Variants in ZFYVE28 observed in about 807,000 individuals in gnomAD.
ZFYVE28 encodes zinc finger FYVE-type containing 28.
Under a neutral mutation model 82.1 loss-of-function variants are expected in ZFYVE28, and 40 were observed. That is an observed-to-expected ratio of 0.49 (90% confidence interval 0.38 to 0.63). The LOEUF (loss-of-function observed/expected upper bound fraction) is 0.63, where lower values mean the gene tolerates loss of function less well. ZFYVE28 is among the 30% of genes least tolerant of loss of function. The pLI, the probability that ZFYVE28 is intolerant of heterozygous loss-of-function variation, is 0.00. For missense variants in ZFYVE28, 1,321 were observed against 1,242.1 expected (o/e 1.06, Z -0.96); for synonymous variants, 612 against 546.1 (o/e 1.12, Z -1.68).
intron 2 of ZFYVE28, among the ~76,000 whole-genome samples, chr4:2,347,872 G>T (rs1467390210): frequency 1.3e-5 from 2 of 152,008 alleles, no homozygotes; most frequent in African/African-American, 4.8e-5. Context: ...TAAAGGTTCT[G>T]TTTTTAAGTC....
Position 2,270,518 on chromosome 4 carries a change from A to G in ZFYVE28, c.*207T>C. ...CCGGGTCCCCTGCTGGGCAAAGCTG[A>G]CCTCTTGTTGGCCCCTGCAGCCGGC... On this transcript the variant is annotated 3_prime_UTR_variant, in exon 13 of 13. Coordinates refer to ENST00000290974, the MANE Select transcript of ZFYVE28 (RefSeq NM_020972.3). 2.9e-6 allele frequency: 2 copies of G among 701,672 alleles called. No individual in the cohort carries two copies. Among genetic ancestry groups the G allele is most frequent in the Non-Finnish European group, 4.6e-6 (2 of 432,792 alleles). The allele number at this position is 701,672 out of a possible 1,614,324, so 43.5% of individuals were successfully genotyped here.
chr4:2,304,186 A>G, intron 8 of ZFYVE28, 103 bp downstream of exon 8: 1 of 1,438,468 alleles, frequency 7.0e-7, no homozygotes, highest in South Asian at 1.4e-5. Context: ...CCGGTGGCCA[A>G]GATGGCTCAG....
intron 2 of ZFYVE28, among the ~76,000 whole-genome samples, chr4:2,344,255 G>T (rs887742620): frequency 6.6e-6 from 1 of 152,216 alleles, no homozygotes; most frequent in East Asian, 1.9e-4. Context: ...GCCGAGAACT[G>T]ATCAACACAT....
chr4:2,375,448 C>A lies in ZFYVE28; in HGVS notation c.40-21375G>T, dbSNP rs559581017. 2.3e-4 allele frequency among the ~76,000 whole-genome samples: 35 copies of A among 152,346 alleles called. 1 individual carries two copies. Among genetic ancestry groups the A allele is most frequent in the Admixed American group, 2.1e-3 (32 of 15,304 alleles). On this transcript the variant is annotated intron_variant, in intron 1 of 12. Coordinates refer to ENST00000290974, the MANE Select transcript of ZFYVE28 (RefSeq NM_020972.3). Reference sequence around the variant, plus strand: ...GACAGCAGTGGCTCACACTGTGACCCCCAGATAAAGTCACGACTTGGTGAC... The same window carrying A: ...GACAGCAGTGGCTCACACTGTGACCACCAGATAAAGTCACGACTTGGTGAC...
At chr4:2,391,352 G>A (rs745528428) in intron 1 of ZFYVE28, among the ~76,000 whole-genome samples, 2 of 151,110 alleles carry the variant, frequency 1.3e-5, no homozygotes, top group Admixed American at 6.6e-5. Flanking sequence ...CCTCCCTCCC[G>A]TCCTGGGGCC....
At chr4:2,305,885 G>C (rs1716497455) in intron 7 of ZFYVE28, among the ~76,000 whole-genome samples, 1 of 152,248 alleles carries the variant, frequency 6.6e-6, no homozygotes, top group African/African-American at 2.4e-5. Context: ...ATACATGCTG[G>C]TTTACACATA....
chr4:2,360,301 C>T (rs1287254037), intron 1 of ZFYVE28, among the ~76,000 whole-genome samples: 1 of 151,752 alleles, frequency 6.6e-6, no homozygotes, highest in South Asian at 2.1e-4. Flanking sequence ...AAGCAAATAC[C>T]CTGCCGCTGT....
intron 7 of ZFYVE28, among the ~76,000 whole-genome samples, chr4:2,311,220 T>C (rs140701551): frequency 6.6e-6 from 1 of 152,338 alleles, no homozygotes; most frequent in African/African-American, 2.4e-5. Context: ...ATTTTATTAA[T>C]CTTTTAAAAT....
intron 1 of ZFYVE28, among the ~76,000 whole-genome samples, chr4:2,399,511 G>A (rs1245371094): frequency 6.6e-6 from 1 of 152,166 alleles, no homozygotes; most frequent in African/African-American, 2.4e-5. Context: ...GGAAGGCCGG[G>A]GCCTCTGACA....
chr4:2,290,567 GC>G, intron 8 of ZFYVE28, among the ~76,000 whole-genome samples: 1 of 152,324 alleles, frequency 6.6e-6, no homozygotes, highest in East Asian at 1.9e-4. Flanking sequence ...GGCCATGGGG[GC>G]AGGTGCAGCA....
chr4:2,380,924 C>G (rs1728668417), intron 1 of ZFYVE28, among the ~76,000 whole-genome samples: 1 of 152,090 alleles, frequency 6.6e-6, no homozygotes, highest in African/African-American at 2.4e-5. Flanking sequence ...TGGACTAATA[C>G]AGTAAATTGG....
chr4:2,410,454 C>CTTTTTTTTTT (rs11358765), intron 1 of ZFYVE28, among the ~76,000 whole-genome samples: 3 of 119,338 alleles, frequency 2.5e-5, no homozygotes, highest in Admixed American at 8.7e-5. Flanking sequence ...TCCTCCCTTT[C>CTTTTTTTTTT]TTTTTTTTTT....
intron 11 of ZFYVE28, 61 bp downstream of exon 11, chr4:2,271,614 T>C: frequency 1.9e-6 from 3 of 1,554,564 alleles, no homozygotes. Flanking sequence ...AAGGCTCCTG[T>C]GGCTCCCACA....
At chr4:2,308,417 G>A (rs550103935) in intron 7 of ZFYVE28, among the ~76,000 whole-genome samples, 20 of 146,342 alleles carry the variant, frequency 1.4e-4, no homozygotes, top group African/African-American at 4.0e-4. Context: ...AACAGACAAC[G>A]TTCTGCTGCT....
At chr4:2,360,178 G>A (rs896472112) in intron 1 of ZFYVE28, among the ~76,000 whole-genome samples, 1 of 151,760 alleles carries the variant, frequency 6.6e-6, no homozygotes, top group South Asian at 2.1e-4. Context: ...CCCGAGAACA[G>A]GGAAGCTCCG....
chr4:2,365,139 G>A (rs1255036847), intron 1 of ZFYVE28, among the ~76,000 whole-genome samples: 3 of 146,396 alleles, frequency 2.0e-5, no homozygotes. Flanking sequence ...AGGTGTCCCT[G>A]AATGCGGCGG....
chr4:2,352,109 C>G (rs1724554825), intron 2 of ZFYVE28, among the ~76,000 whole-genome samples: 1 of 152,056 alleles, frequency 6.6e-6, no homozygotes, highest in Non-Finnish European at 1.5e-5. Flanking sequence ...ATTTTAGATC[C>G]AAGTTAGGTT....
At chr4:2,295,160 T>C (rs1371746175) in intron 8 of ZFYVE28, among the ~76,000 whole-genome samples, 2 of 105,866 alleles carry the variant, frequency 1.9e-5, no homozygotes, top group Non-Finnish European at 4.3e-5. Context: ...ATTTACAACA[T>C]TTTTTTGTTT....
Position 2,330,631 on chromosome 4 carries a change from A to AGGAGGGGACAGTGTAGT in ZFYVE28, c.701+5057_701+5073dup, listed in dbSNP as rs1720531119. ...CAGCATAGACAAGGGGACAGCATAG[A>AGGAGGGGACAGTGTAGT]GGAGGGGACAGTGTAGTGGAGGGGC... On this transcript the variant is annotated intron_variant, in intron 6 of 12. Coordinates refer to ENST00000290974, the MANE Select transcript of ZFYVE28 (RefSeq NM_020972.3). The AGGAGGGGACAGTGTAGT allele has an allele frequency of 1.6e-4, 224 of 1,373,766 alleles. 1 individual carries two copies. In the South Asian group the frequency reaches 3.1e-3, roughly 19 times the overall value. The allele number at this position is 1,373,766 out of a possible 1,614,324, so 85.1% of individuals were successfully genotyped here.
Sources: gnomAD v4.1 joint callset for allele counts (sites outside exome capture counted in the v4.1 genomes callset) on GRCh38, gnomAD v4.1.1 for gene constraint, MANE v1.5 for transcripts, NCBI Gene and HGNC (gene_info 2026-07-23, HGNC 2026-07-21) for gene names.